The following PTCHD4 variants were observed in gnomAD, a reference collection of about 807,000 sequenced individuals.
PTCHD4 encodes the protein patched domain-containing protein 4.
Under a neutral mutation model 58.1 loss-of-function variants are expected in PTCHD4, and 33 were observed. The observed-to-expected ratio is 0.57, with a 90% CI of 0.43 to 0.76. The LOEUF (loss-of-function observed/expected upper bound fraction) is 0.76, where lower values mean the gene tolerates loss of function less well. Ranked by LOEUF, PTCHD4 falls within the 30% of genes least tolerant of loss-of-function variation. The pLI is 0.00. For synonymous variants in PTCHD4, 478 were observed against 409.6 expected (o/e 1.17, Z -2.02); for missense variants, 1,058 against 1,027.1 (o/e 1.03, Z -0.41).
At chr6:47,968,590 C>A (rs1767383633) in intron 4 of PTCHD4, among the ~76,000 whole-genome samples, 1 of 152,196 alleles carries the variant, frequency 6.6e-6, no homozygotes, top group African/African-American at 2.4e-5. Flanking sequence ...CCTTTGGCCA[C>A]TCTCTAGCCT....
At chr6:48,096,150 G>A (rs1051459648) in intron 1 of PTCHD4, among the ~76,000 whole-genome samples, 1 of 152,148 alleles carries the variant, frequency 6.6e-6, no homozygotes, top group Non-Finnish European at 1.5e-5. Context: ...TAGAAGTGCA[G>A]AGGAGGAAGG....
In PTCHD4 at chr6:47,877,143, G is replaced by A. The variant is rs1359010538; in HGVS notation, c.*1160C>T. On this transcript the variant is annotated 3_prime_UTR_variant, in exon 5 of 5. Coordinates refer to ENST00000339488, the MANE Select transcript of PTCHD4 (RefSeq NM_001384253.1). Reference sequence around the variant, plus strand: ...TATGCTAAGAACTAGTAGATGGCATGTGATGAGTGGGTATGGTCCATTTTA... The same window carrying A: ...TATGCTAAGAACTAGTAGATGGCATATGATGAGTGGGTATGGTCCATTTTA... 6.6e-6 allele frequency among the ~76,000 whole-genome samples: 1 copy of A among 152,052 alleles called. No individual in the cohort carries two copies. Among genetic ancestry groups the A allele is most frequent in the African/African-American group, 2.4e-5 (1 of 41,436 alleles).
At chr6:47,888,926 C>G (rs1419856214) in intron 4 of PTCHD4, among the ~76,000 whole-genome samples, 70 of 91,742 alleles carry the variant, frequency 7.6e-4, no homozygotes, top group African/African-American at 2.8e-3. Flanking sequence ...TTTGTTCTTG[C>G]GATAGTTTAC....
intron 4 of PTCHD4, among the ~76,000 whole-genome samples, chr6:48,007,009 TG>T (rs2114077541): frequency 1.3e-5 from 2 of 152,228 alleles, no homozygotes; most frequent in South Asian, 4.1e-4. Flanking sequence ...GAGGCTGAAG[TG>T]GGTGGATCAC....
At chr6:48,070,115 GTGTGTGTT>G (rs1402478809) in intron 1 of PTCHD4, among the ~76,000 whole-genome samples, 189 bp from the exon 2 acceptor site, 2 of 128,320 alleles carry the variant, frequency 1.6e-5, no homozygotes, top group South Asian at 2.6e-4. Flanking sequence ...ATATTAATAA[GTGTGTGTT>G]TGTGTGTGTG....
Position 47,859,941 on chromosome 6 carries a change from G to T in PTCHD4, c.*18362C>A, listed in dbSNP as rs1469178737. Among the ~76,000 whole-genome samples, 6 of 151,746 alleles carry T rather than the reference G, an allele frequency of 4.0e-5. No homozygotes were observed. The highest frequency in any genetic ancestry group is 7.4e-5 in the Non-Finnish European group (5 of 67,860). On this transcript the variant is annotated 3_prime_UTR_variant, in exon 5 of 5. Coordinates refer to ENST00000339488, the MANE Select transcript of PTCHD4 (RefSeq NM_001384253.1). ...AACAAAGGGGGCAGTGGCTGGAGAA[G>T]TGGTCAGAGCAGGAGACAGGGGAAC...
In PTCHD4 at chr6:48,091,573, A is replaced by G. The variant is rs1029105178; in HGVS notation, c.-970+19476T>C. ...CCACACCCAAGGTCTATTGAAGCAGATATTATACTTTCTTTTTCTTTTCTG... is the reference window on the plus strand; with the variant it reads ...CCACACCCAAGGTCTATTGAAGCAGGTATTATACTTTCTTTTTCTTTTCTG... On this transcript the variant is annotated intron_variant, in intron 1 of 4. Transcript: ENST00000339488. Among the ~76,000 whole-genome samples the G allele has an allele frequency of 4.6e-5, 7 of 152,038 alleles. 1 individual carries two copies. The highest frequency in any genetic ancestry group is 7.4e-5 in the Non-Finnish European group (5 of 68,014).
chr6:47,903,540 C>T (rs1764779905), intron 4 of PTCHD4, among the ~76,000 whole-genome samples: 1 of 152,150 alleles, frequency 6.6e-6, no homozygotes, highest in Non-Finnish European at 1.5e-5. Context: ...GTCTCAAACT[C>T]CTGGGCCCAA....
chr6:48,007,035 T>C (rs1052389083), intron 4 of PTCHD4, among the ~76,000 whole-genome samples: 3 of 152,088 alleles, frequency 2.0e-5, no homozygotes, highest in Non-Finnish European at 4.4e-5. Context: ...AATCAGGAGT[T>C]TGAGATCAGC....
chr6:48,110,680 G>A (rs1274339230), intron 1 of PTCHD4, among the ~76,000 whole-genome samples: 1 of 150,346 alleles, frequency 6.7e-6, no homozygotes, highest in Non-Finnish European at 1.5e-5. Flanking sequence ...CAAGGTAACT[G>A]TGAAGTGATA....
At chr6:48,075,057 C>A (rs1030959435) in intron 1 of PTCHD4, among the ~76,000 whole-genome samples, 6 of 152,022 alleles carry the variant, frequency 3.9e-5, no homozygotes, top group African/African-American at 1.4e-4. Context: ...TTCACTATAT[C>A]TTTGAGATGA....
intron 1 of PTCHD4, among the ~76,000 whole-genome samples, chr6:48,104,581 G>C (rs969216705): frequency 2.6e-5 from 4 of 152,140 alleles, no homozygotes; most frequent in Non-Finnish European, 5.9e-5. Flanking sequence ...ATAATGATAG[G>C]ATCAAATTCA....
intron 4 of PTCHD4, among the ~76,000 whole-genome samples, chr6:47,888,423 T>A (rs1382170787): frequency 6.6e-6 from 1 of 152,130 alleles, no homozygotes; most frequent in East Asian, 1.9e-4. Context: ...ATTATGAGCA[T>A]GAACAGACAC....
chr6:48,000,905 C>CA (rs1373121671), intron 4 of PTCHD4, among the ~76,000 whole-genome samples: 5 of 152,098 alleles, frequency 3.3e-5, no homozygotes, highest in Non-Finnish European at 1.5e-5. Context: ...CTTTTTAATG[C>CA]AAAATCCCTC....
chr6:47,955,147 T>C (rs1699229133), intron 4 of PTCHD4, among the ~76,000 whole-genome samples: 1 of 152,218 alleles, frequency 6.6e-6, no homozygotes, highest in Non-Finnish European at 1.5e-5. Context: ...AATTCCATTG[T>C]TTTAAGCCAC....
intron 4 of PTCHD4, among the ~76,000 whole-genome samples, chr6:47,944,342 T>C (rs1291951407): frequency 6.6e-6 from 1 of 152,098 alleles, no homozygotes; most frequent in African/African-American, 2.4e-5. Context: ...TCAGAAAACA[T>C]TAATGACAAT....
chr6:47,888,137 C>G (rs1290954417), intron 4 of PTCHD4, among the ~76,000 whole-genome samples: 1 of 152,086 alleles, frequency 6.6e-6, no homozygotes, highest in African/African-American at 2.4e-5. Flanking sequence ...GCAGGTGGAT[C>G]ACAAGGTGAG....
At chr6:47,937,004 T>C (rs1232965902) in intron 4 of PTCHD4, among the ~76,000 whole-genome samples, 1 of 152,144 alleles carries the variant, frequency 6.6e-6, no homozygotes, top group East Asian at 1.9e-4. Context: ...TCTGCTGTGT[T>C]CCAAAAATAG....
intron 3 of PTCHD4, among the ~76,000 whole-genome samples, chr6:48,017,966 G>T (rs1417330618): frequency 6.6e-6 from 1 of 152,086 alleles, no homozygotes; most frequent in African/African-American, 2.4e-5. Flanking sequence ...TTTTATTATT[G>T]GTTAAAATGA....
Sources: allele counts gnomAD v4.1 joint callset (sites outside exome capture counted in the v4.1 genomes callset), GRCh38; gene constraint gnomAD v4.1.1; transcripts MANE v1.5; gene names NCBI Gene and HGNC (gene_info 2026-07-23, HGNC 2026-07-21).